DOCK7: variants seen among roughly 807,000 people sequenced by gnomAD.
DOCK7 encodes the protein dedicator of cytokinesis protein 7.
A neutral mutation model predicts 271.0 loss-of-function variants in DOCK7; 138 were observed. That is an observed-to-expected ratio of 0.51 (90% CI 0.44 to 0.59). DOCK7 has a LOEUF of 0.59. DOCK7 is among the 20% of genes least tolerant of loss of function. DOCK7 has a pLI of 0.00. For synonymous variants in DOCK7, 823 were observed against 876.1 expected, an observed-to-expected ratio of 0.94 and a Z score of 1.07; for missense variants, 2,066 against 2,592.4, an observed-to-expected ratio of 0.80 and a Z score of 4.41.
chr1:62,675,637 T>C (rs984691373), intron 1 of DOCK7, among the ~76,000 whole-genome samples: 32 of 151,650 alleles, frequency 2.1e-4, no homozygotes, highest in Admixed American at 1.9e-3. Flanking sequence ...AAAAAGAAAT[T>C]AGCCAGGCAT....
intron 48 of DOCK7, among the ~76,000 whole-genome samples, chr1:62,471,973 T>A (rs1276900737): frequency 6.6e-6 from 1 of 152,156 alleles, no homozygotes. Context: ...TACATATGCA[T>A]AAAGGTATAC....
chr1:62,643,272 C>T (rs1571880132), intron 7 of DOCK7, among the ~76,000 whole-genome samples: 1 of 152,214 alleles, frequency 6.6e-6, no homozygotes, highest in Admixed American at 6.5e-5. Context: ...AGATAACCCA[C>T]AGAATTATGA....
chr1:62,462,049 C>T (rs1438076693), intron 48 of DOCK7, among the ~76,000 whole-genome samples: 1 of 143,646 alleles, frequency 7.0e-6, no homozygotes, highest in Admixed American at 7.0e-5. Context: ...CCAGCCTGGG[C>T]AACAAGAACA....
At chr1:62,466,407 C>T (rs1432734650) in intron 48 of DOCK7, among the ~76,000 whole-genome samples, 1 of 152,168 alleles carries the variant, frequency 6.6e-6, no homozygotes, top group African/African-American at 2.4e-5. Context: ...CTGCTAACGC[C>T]TGAACCTTGA....
At chr1:62,526,325 T>A (rs992964529) in intron 31 of DOCK7, among the ~76,000 whole-genome samples, 4 of 152,194 alleles carry the variant, frequency 2.6e-5, no homozygotes, top group African/African-American at 9.7e-5. Flanking sequence ...ATGTTCAACA[T>A]CTGTAGGTTG....
chr1:62,493,148 T>C (rs1182355276), intron 40 of DOCK7, among the ~76,000 whole-genome samples: 1 of 152,092 alleles, frequency 6.6e-6, no homozygotes, highest in Non-Finnish European at 1.5e-5. Context: ...ACATCAATAG[T>C]CTTTCTTATT....
rs147658310 is a variant in DOCK7 at position 62,491,533 on chromosome 1, T to C, written c.5361+1171A>G. ...CACATACGGATGGAAGGGAACAAGATTGGGGTTATAGCATGACAGCATAGT... is the reference window on the plus strand; with the variant it reads ...CACATACGGATGGAAGGGAACAAGACTGGGGTTATAGCATGACAGCATAGT... On this transcript the variant is annotated intron_variant, in intron 41 of 49. Transcript: ENST00000635253. 2.1e-3 allele frequency among the ~76,000 whole-genome samples: 320 copies of C among 152,320 alleles called. 2 individuals are homozygous for C. The highest frequency in any genetic ancestry group is 7.3e-3 in the African/African-American group (304 of 41,572).
chr1:62,683,294 A>G (rs1421707206), intron 1 of DOCK7, among the ~76,000 whole-genome samples: 2 of 152,232 alleles, frequency 1.3e-5, no homozygotes, highest in African/African-American at 4.8e-5. Flanking sequence ...TAAAACAGGC[A>G]GCACGGAAGT....
rs983007684 is a variant in DOCK7 at position 62,688,341 on chromosome 1, T to G, written c.-77A>C. 1.0e-5 allele frequency: 10 copies of G among 984,746 alleles called. No individual in the cohort carries two copies. The Admixed American group carries it at 3.7e-4, about 37-fold the overall frequency. The allele number at this position is 984,746 out of a possible 1,614,324, so 61.0% of individuals were successfully genotyped here. On this transcript the variant is annotated 5_prime_UTR_variant, in exon 1 of 50. Coordinates refer to ENST00000635253, the MANE Select transcript of DOCK7 (RefSeq NM_001367561.1). ...GACCGGCGGGCGCGTGCCTCCTCGC[T>G]CGTGCTCCCTCCCTCGCGGCCTCCG...
intron 4 of DOCK7, among the ~76,000 whole-genome samples, chr1:62,651,162 G>A (rs998129603): frequency 2.0e-5 from 3 of 151,584 alleles, no homozygotes; most frequent in African/African-American, 7.3e-5. Flanking sequence ...GGATGAAGCT[G>A]GAAACCATCA....
rs1410236537 is a variant in DOCK7, at chr1:62,529,466, CAAA to C, written c.3612-23_3612-21del. 1.3e-6 allele frequency: 2 copies of C among 1,577,374 alleles called. No homozygotes were observed. The highest frequency in any genetic ancestry group is 1.4e-5 in the African/African-American group (1 of 73,650). On this transcript the variant is annotated intron_variant, in intron 29 of 49. Transcript: ENST00000635253. The stretch of plus-strand genomic sequence containing the variant: ...AACAGTCTATTTAAAAAGAAGAAGA[CAAA>C]GAAGAAAAAGCAGTAAGGCCACAGA...
chr1:62,630,744 T>C (rs1264059504), intron 11 of DOCK7, among the ~76,000 whole-genome samples: 2 of 152,236 alleles, frequency 1.3e-5, no homozygotes, highest in African/African-American at 2.4e-5. Flanking sequence ...ATCTCCTGTA[T>C]TGTACAATTT....
At chr1:62,603,344 A>T (rs1650436583) in intron 14 of DOCK7, among the ~76,000 whole-genome samples, 1 of 151,770 alleles carries the variant, frequency 6.6e-6, no homozygotes, top group Non-Finnish European at 1.5e-5. Flanking sequence ...AATAAAAAGG[A>T]TTGTGATGAA....
At chr1:62,637,654 C>T (rs1193704392) in intron 7 of DOCK7, among the ~76,000 whole-genome samples, 2 of 152,090 alleles carry the variant, frequency 1.3e-5, no homozygotes, top group African/African-American at 4.8e-5. Flanking sequence ...AGAAAATACA[C>T]AACATATTTA....
At chr1:62,664,327 C>T (rs1659023168) in intron 1 of DOCK7, among the ~76,000 whole-genome samples, 1 of 152,136 alleles carries the variant, frequency 6.6e-6, no homozygotes, top group South Asian at 2.1e-4. Context: ...CAGTTTCCCC[C>T]ATACTGTTCT....
chr1:62,655,228 GA>G (rs1200845697), intron 2 of DOCK7, among the ~76,000 whole-genome samples: 2 of 151,620 alleles, frequency 1.3e-5, no homozygotes, highest in African/African-American at 2.4e-5. Context: ...GTTCGAAAAA[GA>G]AAAAAATATT....
chr1:62,596,182 T>C (rs1168178191), intron 14 of DOCK7, among the ~76,000 whole-genome samples: 1 of 141,570 alleles, frequency 7.1e-6, no homozygotes, highest in Admixed American at 7.0e-5. Flanking sequence ...ACATGTATTA[T>C]TGTTAAATTA....
Position 62,619,890 on chromosome 1 carries a change from T to G in DOCK7, c.1519+10A>C, listed in dbSNP as rs1159885351. On this transcript the variant is annotated intron_variant, in intron 13 of 49. Coordinates refer to ENST00000635253, the MANE Select transcript of DOCK7 (RefSeq NM_001367561.1). ...AGTTGCAACCATTTCTACTCAAAAT[T>G]TTTAAATACCTGTAATAGGTCTTAG... 1 of 1,593,028 alleles carries G rather than the reference T, an allele frequency of 6.3e-7. No homozygotes were observed. The highest frequency in any genetic ancestry group is 2.2e-5 in the East Asian group (1 of 44,630).
At chr1:62,631,527 A>C (rs1160492207) in intron 10 of DOCK7, 122 bp from the exon 11 acceptor site, 18 of 812,896 alleles carry the variant, frequency 2.2e-5, no homozygotes, top group Non-Finnish European at 3.4e-5. Flanking sequence ...TGAGAAAAAA[A>C]TCTGTACCTT....
Sources: gnomAD v4.1 joint callset for allele counts (sites outside exome capture counted in the v4.1 genomes callset) on GRCh38, gnomAD v4.1.1 for gene constraint, MANE v1.5 for transcripts, NCBI Gene and HGNC (gene_info 2026-07-23, HGNC 2026-07-21) for gene names.